The following GPCPD1 variants were observed in gnomAD, a reference collection of about 807,000 sequenced individuals.
GPCPD1 encodes glycerophosphocholine phosphodiesterase 1.
GPCPD1 carries 29 observed loss-of-function variants against 89.2 expected under a neutral mutation model. That is an observed-to-expected ratio of 0.33 (90% CI 0.24 to 0.44). GPCPD1 has a LOEUF of 0.44. Among genes scored for constraint, GPCPD1 ranks in the 20% least tolerant of loss-of-function variants. The pLI is 1.00. For missense variants in GPCPD1, 594 were observed against 808.9 expected (o/e 0.73, Z 3.22); for synonymous variants, 258 against 266.3 (o/e 0.97, Z 0.30).
intron 3 of GPCPD1, 53 bp from the exon 4 acceptor site, chr20:5,593,464 TAA>T: frequency 1.1e-6 from 1 of 886,096 alleles, no homozygotes; most frequent in Non-Finnish European, 1.9e-6. Flanking sequence ...CTACAGTGCA[TAA>T]AGACTTCTTA....
intron 3 of GPCPD1, among the ~76,000 whole-genome samples, chr20:5,595,993 C>A (rs1051571343): frequency 1.3e-5 from 2 of 151,908 alleles, no homozygotes; most frequent in Non-Finnish European, 2.9e-5. Flanking sequence ...TTTTTCAAGT[C>A]CTCCCAAGTG....
intron 8 of GPCPD1, among the ~76,000 whole-genome samples, 181 bp from the exon 9 acceptor site, chr20:5,576,159 G>A (rs947611311): frequency 3.3e-5 from 5 of 150,896 alleles, no homozygotes; most frequent in African/African-American, 1.2e-4. Flanking sequence ...AGTGGCTCAC[G>A]TCTGTAATCC....
chr20:5,584,672 A>C (rs762458767), intron 5 of GPCPD1: 2 of 162,060 alleles, frequency 1.2e-5, no homozygotes. Flanking sequence ...CTTGATTTTC[A>C]AACCAAAGGT....
chr20:5,553,778 G>A, intron 19 of GPCPD1, among the ~76,000 whole-genome samples: 1 of 152,132 alleles, frequency 6.6e-6, no homozygotes, highest in East Asian at 1.9e-4. Context: ...GGCTGAGAGA[G>A]GTAAAGAAGC....
intron 12 of GPCPD1, among the ~76,000 whole-genome samples, chr20:5,569,242 TG>T (rs1418015128): frequency 6.6e-6 from 1 of 152,028 alleles, no homozygotes; most frequent in African/African-American, 2.4e-5. Context: ...CACCAGCAGG[TG>T]GTGCCAGGGT....
intron 19 of GPCPD1, among the ~76,000 whole-genome samples, chr20:5,556,672 A>C (rs894795228): frequency 6.6e-6 from 1 of 152,214 alleles, no homozygotes; most frequent in East Asian, 1.9e-4. Flanking sequence ...TCTTTATACT[A>C]AAGAAACCTT....
rs116555692 is a variant in GPCPD1 at position 5,605,211 on chromosome 20, T to G, written c.-28-771A>C. Among the ~76,000 whole-genome samples, 1,345 of 152,288 alleles carry G rather than the reference T, an allele frequency of 8.8e-3. 14 individuals are homozygous for G. The highest frequency in any genetic ancestry group is 0.03 in the African/African-American group (1,267 of 41,556). On this transcript the variant is annotated intron_variant, in intron 1 of 19. Transcript: ENST00000379019. ...CACTGTAAAACAAAGTATCCAAACTTGTTATTTTTTAAGTCGTCAAGATTC... is the reference window on the plus strand; with the variant it reads ...CACTGTAAAACAAAGTATCCAAACTGGTTATTTTTTAAGTCGTCAAGATTC...
At chr20:5,595,752 C>G (rs1979673251) in intron 3 of GPCPD1, among the ~76,000 whole-genome samples, 2 of 151,684 alleles carry the variant, frequency 1.3e-5, no homozygotes, top group Admixed American at 1.3e-4. Flanking sequence ...TCCAGGTGGA[C>G]TCTTCCAATT....
At chr20:5,593,669 A>G (rs1156575983) in intron 3 of GPCPD1, among the ~76,000 whole-genome samples, 1 of 152,210 alleles carries the variant, frequency 6.6e-6, no homozygotes, top group South Asian at 2.1e-4. Context: ...GACAGAACGA[A>G]GTTCTGGAGG....
Position 5,581,430 on chromosome 20 carries a change from C to G in GPCPD1, c.350-1299G>C, listed in dbSNP as rs142655825. ...GCACATGGTACAAGATAGCATCTAA[C>G]CTAGCAATTGTTCTACTAGGGATCA... On this transcript the variant is annotated intron_variant, in intron 6 of 19. Coordinates refer to ENST00000379019, the MANE Select transcript of GPCPD1 (RefSeq NM_019593.5). Among the ~76,000 whole-genome samples the G allele has an allele frequency of 2.4e-4, 36 of 152,260 alleles. No individual in the cohort carries two copies. In the East Asian group the frequency reaches 6.7e-3, roughly 29 times the overall value.
intron 6 of GPCPD1, among the ~76,000 whole-genome samples, chr20:5,581,911 G>A (rs1162745954): frequency 1.4e-5 from 2 of 143,406 alleles, no homozygotes; most frequent in African/African-American, 5.3e-5. Context: ...CAGGCCGGGC[G>A]CGGTGGCTCA....
chr20:5,571,981 A>C (rs538596278), intron 11 of GPCPD1, among the ~76,000 whole-genome samples: 35 of 151,876 alleles, frequency 2.3e-4, no homozygotes, highest in Non-Finnish European at 4.4e-4. Context: ...GCACTTAGGG[A>C]GGCCAAGTGA....
At chr20:5,568,532 G>A (rs913009653) in intron 12 of GPCPD1, among the ~76,000 whole-genome samples, 11 of 152,098 alleles carry the variant, frequency 7.2e-5, no homozygotes, top group Non-Finnish European at 1.5e-4. Flanking sequence ...AACTCATTCA[G>A]GTTCAACTTC....
intron 4 of GPCPD1, among the ~76,000 whole-genome samples, chr20:5,586,974 A>C (rs962681092): frequency 6.6e-6 from 1 of 152,182 alleles, no homozygotes; most frequent in African/African-American, 2.4e-5. Context: ...AATCTCATAC[A>C]GTGTGACAAT....
At chr20:5,573,868 C>A (rs1986857679) in intron 11 of GPCPD1, 47 bp downstream of exon 11, 1 of 948,900 alleles carries the variant, frequency 1.1e-6, no homozygotes, top group Admixed American at 1.7e-5. Flanking sequence ...CTCCCTGATC[C>A]ATATTTCTCT....
intron 17 of GPCPD1, 42 bp from the exon 18 acceptor site, chr20:5,558,861 A>G (rs753910535): frequency 1.4e-6 from 2 of 1,456,060 alleles, no homozygotes; most frequent in South Asian, 1.3e-5. Context: ...AATGGGGGGT[A>G]ACTGTAATAT....
At chr20:5,567,783 G>A in intron 12 of GPCPD1, 1 of 397,376 alleles carries the variant, frequency 2.5e-6, no homozygotes, top group Non-Finnish European at 4.4e-6. Context: ...CATTTTTATT[G>A]CAGTGTAGAA....
At chr20:5,549,497 G>A (rs2122518278) in intron 19 of GPCPD1, 1 of 1,164,066 alleles carries the variant, frequency 8.6e-7, no homozygotes. Context: ...CACCTTCTGA[G>A]TATTCTTCTG....
intron 12 of GPCPD1, among the ~76,000 whole-genome samples, chr20:5,568,606 G>C (rs568113472): frequency 6.6e-6 from 1 of 152,168 alleles, no homozygotes; most frequent in Non-Finnish European, 1.5e-5. Flanking sequence ...TTGATTTTCA[G>C]AAGTAAACTG....
Sources: allele counts gnomAD v4.1 joint callset (sites outside exome capture counted in the v4.1 genomes callset), GRCh38; gene constraint gnomAD v4.1.1; transcripts MANE v1.5; gene names NCBI Gene and HGNC (gene_info 2026-07-23, HGNC 2026-07-21).